Variants in GAN observed in about 807,000 individuals in gnomAD.
GAN encodes epididymis secretory sperm binding protein.
Under a neutral mutation model 71.3 loss-of-function variants are expected in GAN, and 48 were observed. The observed-to-expected ratio is 0.67, with a 90% CI of 0.53 to 0.86. The LOEUF is 0.86. Ranked by LOEUF, GAN falls within the 40% of genes least tolerant of loss-of-function variation. GAN has a pLI of 0.00. For missense variants in GAN, 928 were observed against 770.1 expected, an observed-to-expected ratio of 1.21 and a Z score of -2.43; for synonymous variants, 386 against 276.8, an observed-to-expected ratio of 1.39 and a Z score of -3.92.
intron 9 of GAN, among the ~76,000 whole-genome samples, chr16:81,372,386 G>C (rs914656473): frequency 2.6e-5 from 4 of 152,118 alleles, no homozygotes; most frequent in African/African-American, 9.7e-5. Flanking sequence ...ATGGTATCTG[G>C]TATCTCACTC....
rs1375472969 is a variant in GAN at position 81,378,632 on chromosome 16, G to C, written c.*1036G>C. 1 of 152,642 alleles carries C rather than the reference G, an allele frequency of 6.6e-6. No homozygotes were observed. The highest frequency in any genetic ancestry group is 1.5e-5 in the Non-Finnish European group (1 of 68,042). 9.5% of individuals were successfully genotyped at this position (152,642 alleles called of 1,614,324 possible). A position where few individuals can be genotyped will look rare whatever the true frequency, so the allele number is the denominator to read the frequency against. ...AAAACTTGTCTTAGAATGCGAATCT[G>C]TGTTAAGAATCTAGTCTTTGTAATA... On this transcript the variant is annotated 3_prime_UTR_variant, in exon 11 of 11. Coordinates refer to ENST00000648994, the MANE Select transcript of GAN (RefSeq NM_022041.4).
Position 81,342,123 on chromosome 16 carries a change from A to G in GAN, c.168-9460A>G, listed in dbSNP as rs573847952. On this transcript the variant is annotated intron_variant, in intron 1 of 10. Transcript: ENST00000648994. ...ATCCACCCAATACAGGAGCACCCAG[A>G]TTCATAAAGCAAGTTCTTAGAGACC... 5.9e-5 allele frequency among the ~76,000 whole-genome samples: 9 copies of G among 152,360 alleles called. No homozygotes were observed. The East Asian group carries it at 1.7e-3, about 29-fold the overall frequency.
At chr16:81,359,675 C>G (rs532199237) in intron 5 of GAN, among the ~76,000 whole-genome samples, 1 of 152,068 alleles carries the variant, frequency 6.6e-6, no homozygotes, top group Non-Finnish European at 1.5e-5. Context: ...AGTAGATCCC[C>G]CTTATCAATG....
intron 7 of GAN, among the ~76,000 whole-genome samples, chr16:81,364,628 G>A (rs966847208): frequency 2.0e-5 from 3 of 152,120 alleles, no homozygotes; most frequent in Non-Finnish European, 2.9e-5. Flanking sequence ...GTTTGAAGCT[G>A]CAGTGAACTA....
At chr16:81,364,872 C>G (rs1475718090) in intron 7 of GAN, 102 bp from the exon 8 acceptor site, 1 of 1,164,108 alleles carries the variant, frequency 8.6e-7, no homozygotes, top group African/African-American at 1.5e-5. Flanking sequence ...AATCAAACCC[C>G]TTCCTAAATC....
chr16:81,338,196 T>TTTTAGAGTG (rs1421666217), intron 1 of GAN, among the ~76,000 whole-genome samples: 4 of 152,242 alleles, frequency 2.6e-5, no homozygotes, highest in African/African-American at 9.6e-5. Flanking sequence ...TTCTAATTTT[T>TTTTAGAGTG]TTTAGAGTGT....
At chr16:81,324,897 A>G (rs1352703262) in intron 1 of GAN, among the ~76,000 whole-genome samples, 1 of 152,194 alleles carries the variant, frequency 6.6e-6, no homozygotes, top group Admixed American at 6.5e-5. Context: ...CAGGTGCTGC[A>G]GTTGTTCAGA....
chr16:81,339,210 C>G (rs1909862772), intron 1 of GAN, among the ~76,000 whole-genome samples: 5 of 152,200 alleles, frequency 3.3e-5, no homozygotes. Context: ...AAGACAAGCA[C>G]TCAGGCTGCA....
rs1234245461 is a variant in GAN at position 81,384,194 on chromosome 16, T to C, written c.*6598T>C. 3.3e-5 allele frequency: 5 copies of C among 151,706 alleles called. No homozygotes were observed. The highest frequency in any genetic ancestry group is 6.6e-5 in the Admixed American group (1 of 15,218). The allele number at this position is 151,706 out of a possible 1,614,324, so 9.4% of individuals were successfully genotyped here. A position where few individuals can be genotyped will look rare whatever the true frequency, so the allele number is the denominator to read the frequency against. The stretch of plus-strand genomic sequence containing the variant: ...AGTATTGTGCTTGATCCCCTGCCAA[T>C]TGAGAAGAATTCAACACATTCTGTT... On this transcript the variant is annotated 3_prime_UTR_variant, in exon 11 of 11. Coordinates refer to ENST00000648994, the MANE Select transcript of GAN (RefSeq NM_022041.4).
Position 81,365,906 on chromosome 16 carries a change from T to C in GAN, c.1502+428T>C, listed in dbSNP as rs142883117. Among the ~76,000 whole-genome samples the C allele has an allele frequency of 1.0e-3, 158 of 152,220 alleles. No individual in the cohort carries two copies. The Middle Eastern group carries it at 0.02, about 20-fold the overall frequency. ...CTCCAAAGAAAAATAAATAAACTCC[T>C]TAACTTAGCATATATAGCCTTTTGT... On this transcript the variant is annotated intron_variant, in intron 9 of 10. Transcript: ENST00000648994.
At chr16:81,362,076 C>A (rs1910692682) in intron 5 of GAN, among the ~76,000 whole-genome samples, 1 of 152,082 alleles carries the variant, frequency 6.6e-6, no homozygotes, top group South Asian at 2.1e-4. Context: ...GCTCTTAGAT[C>A]CTGTTTTGAA....
At chr16:81,369,427 G>A (rs961480096) in intron 9 of GAN, among the ~76,000 whole-genome samples, 6 of 152,182 alleles carry the variant, frequency 3.9e-5, no homozygotes, top group Non-Finnish European at 8.8e-5. Context: ...CCTAGAAAAA[G>A]TAGAAAAGTA....
At chr16:81,376,643 T>C (rs986143147) in intron 9 of GAN, among the ~76,000 whole-genome samples, 7 of 16,396 alleles carry the variant, frequency 4.3e-4, no homozygotes, top group South Asian at 4.0e-3. Context: ...TATATGTGTG[T>C]ATATATGTGT....
At chr16:81,353,018 G>T (rs370342152) in intron 2 of GAN, among the ~76,000 whole-genome samples, 7 of 152,350 alleles carry the variant, frequency 4.6e-5, no homozygotes, top group African/African-American at 1.4e-4. Context: ...GGGGCCGGGC[G>T]CGGTGGCTCA....
chr16:81,353,038 T>TC (rs1241423325), intron 2 of GAN, among the ~76,000 whole-genome samples: 2 of 152,218 alleles, frequency 1.3e-5, no homozygotes, highest in Admixed American at 1.3e-4. Flanking sequence ...ACGCCTGTAA[T>TC]CCCAGCACTT....
At chr16:81,373,556 C>G (rs1904274431) in intron 9 of GAN, among the ~76,000 whole-genome samples, 1 of 152,194 alleles carries the variant, frequency 6.6e-6, no homozygotes, top group African/African-American at 2.4e-5. Flanking sequence ...TAACATCTTA[C>G]ATGACCGTAG....
At chr16:81,341,457 C>A (rs1909939487) in intron 1 of GAN, among the ~76,000 whole-genome samples, 1 of 152,214 alleles carries the variant, frequency 6.6e-6, no homozygotes, top group Admixed American at 6.5e-5. Flanking sequence ...ACCCTACAAA[C>A]CAGAAGAGAG....
At chr16:81,338,656 T>A (rs1010036400) in intron 1 of GAN, among the ~76,000 whole-genome samples, 1 of 152,058 alleles carries the variant, frequency 6.6e-6, no homozygotes, top group Admixed American at 6.6e-5. Flanking sequence ...GTTGGGAAGT[T>A]GGGGGAAAAG....
rs1904302611 is a variant in GAN, at chr16:81,381,110, C to T, written c.*3514C>T. 6.6e-6 allele frequency: 1 copy of T among 152,146 alleles called. No individual in the cohort carries two copies. The highest frequency in any genetic ancestry group is 1.5e-5 in the Non-Finnish European group (1 of 68,026). The allele number at this position is 152,146 out of a possible 1,614,324, so 9.4% of individuals were successfully genotyped here. A position where few individuals can be genotyped will look rare whatever the true frequency, so the allele number is the denominator to read the frequency against. ...CTAGTCAATGCATAGGAAATACATT[C>T]TTTGTACAAACGTGGTAAAGAGAGG... On this transcript the variant is annotated 3_prime_UTR_variant, in exon 11 of 11. Transcript: ENST00000648994.
Sources: allele counts gnomAD v4.1 joint callset (sites outside exome capture counted in the v4.1 genomes callset), GRCh38; gene constraint gnomAD v4.1.1; transcripts MANE v1.5; gene names NCBI Gene and HGNC (gene_info 2026-07-23, HGNC 2026-07-21).